PLPPR1: variants seen among roughly 807,000 people sequenced by gnomAD.
The protein encoded by PLPPR1 is phospholipid phosphatase-related protein type 1.
Under a neutral mutation model 33.1 loss-of-function variants are expected in PLPPR1, and 10 were observed. That is an observed-to-expected ratio of 0.30 (90% CI 0.19 to 0.51). The LOEUF (loss-of-function observed/expected upper bound fraction) is 0.51. Among genes scored for constraint, PLPPR1 ranks in the 20% least tolerant of loss-of-function variants. The pLI, the probability that PLPPR1 is intolerant of heterozygous loss-of-function variation, is 0.97. For missense variants in PLPPR1, 304 were observed against 408.1 expected (o/e 0.74, Z 2.20); for synonymous variants, 151 against 151.0 (o/e 1.00, Z 0.00).
intron 1 of PLPPR1, among the ~76,000 whole-genome samples, chr9:101,115,051 A>G (rs898155697): frequency 6.6e-6 from 1 of 152,214 alleles, no homozygotes; most frequent in Non-Finnish European, 1.5e-5. Flanking sequence ...AGGTAACTTC[A>G]GCATGACACT....
At chr9:101,045,066 C>G (rs921460083) in intron 1 of PLPPR1, among the ~76,000 whole-genome samples, 29 of 152,062 alleles carry the variant, frequency 1.9e-4, no homozygotes, top group Non-Finnish European at 7.4e-5. Flanking sequence ...CTGAGCTGAT[C>G]CAAAAGGAAT....
In PLPPR1 at chr9:101,314,575, CT is replaced by C. The variant is rs564284105; in HGVS notation, c.813+1602del. On this transcript the variant is annotated intron_variant, in intron 6 of 7. Coordinates refer to ENST00000374874, the MANE Select transcript of PLPPR1 (RefSeq NM_207299.2). ...AGTTATGTTTACATTATTCTGTAGT[CT>C]ATTAAGTGTGCAATAGCATTATGTC... Among the ~76,000 whole-genome samples, 471 of 151,288 alleles carry C rather than the reference CT, an allele frequency of 3.1e-3. 2 individuals carry two copies. Among genetic ancestry groups the C allele is most frequent in the African/African-American group, 0.01 (426 of 41,192 alleles).
chr9:101,123,046 A>C (rs1831196025), intron 1 of PLPPR1, among the ~76,000 whole-genome samples: 1 of 152,194 alleles, frequency 6.6e-6, no homozygotes, highest in South Asian at 2.1e-4. Flanking sequence ...TGTGCCAAGG[A>C]ATTACTGTTC....
chr9:101,063,434 C>T (rs542981046), intron 1 of PLPPR1, among the ~76,000 whole-genome samples: 1 of 152,182 alleles, frequency 6.6e-6, no homozygotes, highest in East Asian at 1.9e-4. Context: ...CTTCCACCCA[C>T]ATGCTATTGG....
At chr9:101,266,407 AG>A (rs59445171) in intron 2 of PLPPR1, among the ~76,000 whole-genome samples, 3,658 of 147,050 alleles carry the variant, frequency 0.025, 189 homozygotes, top group African/African-American at 0.083. Flanking sequence ...AAAAAAAAAA[AG>A]AAAGAAAGAA....
chr9:101,035,153 T>C (rs1422715587), intron 1 of PLPPR1, among the ~76,000 whole-genome samples: 2 of 152,264 alleles, frequency 1.3e-5, no homozygotes, highest in East Asian at 3.9e-4. Flanking sequence ...CTGAGGGACA[T>C]AAACTGTAAA....
At chr9:101,149,718 C>T (rs1291016807) in intron 1 of PLPPR1, among the ~76,000 whole-genome samples, 1 of 152,108 alleles carries the variant, frequency 6.6e-6, no homozygotes, top group Non-Finnish European at 1.5e-5. Flanking sequence ...TCTCCTTGCT[C>T]TTTATAAGTG....
At chr9:101,112,126 T>C (rs1321800427) in intron 1 of PLPPR1, among the ~76,000 whole-genome samples, 1 of 152,218 alleles carries the variant, frequency 6.6e-6, no homozygotes, top group Non-Finnish European at 1.5e-5. Flanking sequence ...TACAATGTTA[T>C]TTAAACATCT....
intron 2 of PLPPR1, among the ~76,000 whole-genome samples, chr9:101,260,802 G>A (rs772322055): frequency 2.6e-5 from 4 of 152,118 alleles, no homozygotes; most frequent in Non-Finnish European, 5.9e-5. Context: ...CCCTAGAAGA[G>A]AACATAGAAA....
intron 7 of PLPPR1, among the ~76,000 whole-genome samples, chr9:101,321,578 A>G (rs1829150210): frequency 6.6e-6 from 1 of 152,194 alleles, no homozygotes; most frequent in South Asian, 2.1e-4. Context: ...CGCCCCACTC[A>G]CAATGTACAT....
At chr9:101,315,685 A>G (rs116550628) in intron 6 of PLPPR1, among the ~76,000 whole-genome samples, 3,370 of 152,238 alleles carry the variant, frequency 0.022, 137 homozygotes, top group African/African-American at 0.078. Context: ...GGCATAAGAG[A>G]GACCACCCTG....
intron 1 of PLPPR1, among the ~76,000 whole-genome samples, chr9:101,060,775 A>G (rs1406831796): frequency 1.3e-5 from 2 of 151,878 alleles, no homozygotes; most frequent in East Asian, 3.9e-4. Flanking sequence ...GAATTTCTAT[A>G]TATAACTTAT....
At chr9:101,226,811 G>A (rs763085263) in intron 2 of PLPPR1, among the ~76,000 whole-genome samples, 3 of 152,116 alleles carry the variant, frequency 2.0e-5, no homozygotes, top group Non-Finnish European at 4.4e-5. Context: ...GGGGCAGGAA[G>A]AGAAGAGGCA....
chr9:101,237,083 A>G (rs1827316394), intron 2 of PLPPR1, among the ~76,000 whole-genome samples: 1 of 151,782 alleles, frequency 6.6e-6, no homozygotes. Flanking sequence ...CAACATCACA[A>G]ATCATCAGAG....
At position 101,309,192 on chromosome 9, in the gene PLPPR1, AT is replaced by A; in HGVS notation, c.386-15del. On this transcript the variant is annotated intron_variant, in intron 4 of 7. Coordinates refer to ENST00000374874, the MANE Select transcript of PLPPR1 (RefSeq NM_207299.2). ...ACAGAGTATGTTACCATTCCTAATG[AT>A]TTTAAATCTTCTTATAGGGGTGTTT... The A allele has an allele frequency of 6.2e-7, 1 of 1,613,772 alleles. No individual in the cohort carries two copies. Among genetic ancestry groups the A allele is most frequent in the Non-Finnish European group, 8.5e-7 (1 of 1,179,794 alleles).
intron 4 of PLPPR1, among the ~76,000 whole-genome samples, chr9:101,296,085 T>C (rs930232987): frequency 1.6e-4 from 24 of 151,770 alleles, no homozygotes; most frequent in Non-Finnish European, 1.5e-5. Flanking sequence ...GAATCTACAA[T>C]GAACTCAAAC....
intron 4 of PLPPR1, among the ~76,000 whole-genome samples, chr9:101,287,550 G>C (rs990228588): frequency 6.6e-6 from 1 of 152,168 alleles, no homozygotes; most frequent in Non-Finnish European, 1.5e-5. Context: ...CCCCAGGCTG[G>C]AGTGCAGTGG....
chr9:101,171,712 T>TA (rs1279569549), intron 1 of PLPPR1, among the ~76,000 whole-genome samples: 1 of 152,222 alleles, frequency 6.6e-6, no homozygotes, highest in Non-Finnish European at 1.5e-5. Flanking sequence ...TCTCACTGGA[T>TA]GTGTTCCTAT....
intron 1 of PLPPR1, among the ~76,000 whole-genome samples, chr9:101,098,049 A>G (rs1325289062): frequency 1.3e-5 from 2 of 152,098 alleles, no homozygotes; most frequent in Non-Finnish European, 2.9e-5. Flanking sequence ...CCCTCCCAGT[A>G]AGTGATAGAG....
Sources: allele counts gnomAD v4.1 joint callset (sites outside exome capture counted in the v4.1 genomes callset), GRCh38; gene constraint gnomAD v4.1.1; transcripts MANE v1.5; gene names NCBI Gene and HGNC (gene_info 2026-07-23, HGNC 2026-07-21).